The following PIP4K2C variants were observed in gnomAD, a reference collection of about 807,000 sequenced individuals.
The protein encoded by PIP4K2C is phosphatidylinositol-5-phosphate 4-kinase type 2 gamma.
In PIP4K2C, 21 loss-of-function variants were observed where a neutral mutation model predicts 45.0. The observed-to-expected ratio is 0.47, with a 90% CI of 0.33 to 0.67. PIP4K2C has a LOEUF of 0.67. PIP4K2C is among the 30% of genes least tolerant of loss of function. The pLI is 0.02. For synonymous variants in PIP4K2C, 201 were observed against 204.8 expected (o/e 0.98, Z 0.16); for missense variants, 456 against 542.8 (o/e 0.84, Z 1.59).
intron 6 of PIP4K2C, among the ~76,000 whole-genome samples, chr12:57,599,812 T>G (rs1054156722): frequency 6.6e-6 from 1 of 152,138 alleles, no homozygotes; most frequent in African/African-American, 2.4e-5. Context: ...ATCCCAGCAC[T>G]TTAGAAGGCC....
Position 57,591,397 on chromosome 12 carries a change from G to A in PIP4K2C, c.108G>A (p.Gln36=), listed in dbSNP as rs1882947749. The part of the protein sequence containing the change: ...SKTKKKHFVQ[Q]KVKVFRAADP... ...CCAAGAAGAAGCATTTCGTGCAGCA[G>A]AAGGTGAAGGTGTTCCGGGCGGCCG... Residue 36 remains glutamine (Q), a synonymous_variant, in exon 1 of 10, where the codon CAG becomes CAA. Transcript: ENST00000354947. 4 of 1,613,830 alleles carry A rather than the reference G, an allele frequency of 2.5e-6. No homozygotes were observed. Among genetic ancestry groups the A allele is most frequent in the Admixed American group, 3.3e-5 (2 of 59,988 alleles).
chr12:57,591,254 G>T lies in PIP4K2C; in HGVS notation c.-36G>T, dbSNP rs1162818732. 6.4e-7 allele frequency: 1 copy of T among 1,571,758 alleles called. No homozygotes were observed. The stretch of plus-strand genomic sequence containing the variant: ...GGGTCGGGCGCCTGGATAGCTGCCG[G>T]CTCCGGCTTCCACTTGGTCGGTTGC... On this transcript the variant is annotated 5_prime_UTR_variant, in exon 1 of 10. Coordinates refer to ENST00000354947, the MANE Select transcript of PIP4K2C (RefSeq NM_024779.5).
Position 57,601,595 on chromosome 12 carries a change from A to T in PIP4K2C, c.1255A>T (p.Ile419Phe). ...GCGATTCCTGGATTTTATTACCAAC[A>T]TCTTTGCCTAAGAGACTGCCTGGTT... ...AKRFLDFITN[I>F]FA The change falls in exon 10 of 10, where the codon ATC (isoleucine) becomes TTC (phenylalanine). Residue 419 changes from isoleucine (I) to phenylalanine (F), a missense_variant. Transcript: ENST00000354947. 1.2e-6 allele frequency: 2 copies of T among 1,609,234 alleles called. No homozygotes were observed. The highest frequency in any genetic ancestry group is 1.7e-6 in the Non-Finnish European group (2 of 1,175,660).
rs1883470011 is a variant in PIP4K2C at position 57,602,183 on chromosome 12, G to T, written c.*577G>T. ...ATATGGCCATTCCTACACAGGTGGG[G>T]TAGAGAGTGGGTCAGCAGCCTGGCA... On this transcript the variant is annotated 3_prime_UTR_variant, in exon 10 of 10. Coordinates refer to ENST00000354947, the MANE Select transcript of PIP4K2C (RefSeq NM_024779.5). 1 of 156,096 alleles carries T rather than the reference G, an allele frequency of 6.4e-6. No individual in the cohort carries two copies. The highest frequency in any genetic ancestry group is 2.4e-5 in the African/African-American group (1 of 41,472). The allele number at this position is 156,096 out of a possible 1,614,324, so 9.7% of individuals were successfully genotyped here.
intron 4 of PIP4K2C, chr12:57,597,833 C>T (rs1277728975): frequency 1.3e-5 from 2 of 152,092 alleles, no homozygotes; most frequent in Non-Finnish European, 2.9e-5. Flanking sequence ...TAAGGAGAGA[C>T]TGGTCAATAG....
chr12:57,591,601 A>C, intron 1 of PIP4K2C, 138 bp downstream of exon 1: 1 of 929,116 alleles, frequency 1.1e-6, no homozygotes, highest in Non-Finnish European at 1.5e-6. Context: ...CTGCCCACCA[A>C]CCCCAGGTGT....
At position 57,595,209 on chromosome 12, in the gene PIP4K2C, A is replaced by G. The variant is rs1883137181; in HGVS notation, c.356A>G (p.Asp119Gly). The G allele has an allele frequency of 6.2e-7, 1 of 1,602,284 alleles. No homozygotes were observed. The highest frequency in any genetic ancestry group is 8.6e-7 in the Non-Finnish European group (1 of 1,169,362). ...RNLRDRFGID[D>G]QDYLVSLTRN... is the part of the protein sequence containing the mutation. ...CTCCGTGATCGATTTGGCATTGATG[A>G]CCAAGATTACTTGGTGAGAGTCCAT... The change falls in exon 3 of 10, where the codon GAC becomes GGC. Residue 119 changes from aspartate to glycine, a missense_variant. Asp to Gly is a moderately conservative substitution (Grantham distance 94). Transcript: ENST00000354947.
chr12:57,598,283 G>A lies in PIP4K2C; in HGVS notation c.514-782G>A, dbSNP rs1883275785. Among the ~76,000 whole-genome samples the A allele has an allele frequency of 3.3e-5, 5 of 152,094 alleles. 1 individual carries two copies. The South Asian group carries it at 1.0e-3, about 32-fold the overall frequency. ...CGCTTGTAATCCTAGCACTTTGGGAGGCCGAGGTGGGCAGATTGCCTGAGT... is the reference window on the plus strand; with the variant it reads ...CGCTTGTAATCCTAGCACTTTGGGAAGCCGAGGTGGGCAGATTGCCTGAGT... On this transcript the variant is annotated intron_variant, in intron 4 of 9. Coordinates refer to ENST00000354947, the MANE Select transcript of PIP4K2C (RefSeq NM_024779.5).
At chr12:57,597,767 A>C (rs1883254191) in intron 4 of PIP4K2C, among the ~76,000 whole-genome samples, 2 of 152,206 alleles carry the variant, frequency 1.3e-5, no homozygotes, top group South Asian at 4.1e-4. Context: ...ATTCGACGAC[A>C]GAGAGGAGGG....
In PIP4K2C at chr12:57,601,842, T is replaced by G; in HGVS notation, c.*236T>G. 2 of 550,368 alleles carry G rather than the reference T, an allele frequency of 3.6e-6. No homozygotes were observed. The highest frequency in any genetic ancestry group is 6.5e-6 in the Non-Finnish European group (2 of 306,490). 34.1% of individuals were successfully genotyped at this position (550,368 alleles called of 1,614,324 possible). On this transcript the variant is annotated 3_prime_UTR_variant, in exon 10 of 10. Coordinates refer to ENST00000354947, the MANE Select transcript of PIP4K2C (RefSeq NM_024779.5). ...CCTCTCTTCCTCCCCATGAGAAGTC[T>G]GCTTGTAGTATTAGAATGTTATTGT...
intron 1 of PIP4K2C, among the ~76,000 whole-genome samples, chr12:57,591,970 G>A (rs532880405): frequency 6.6e-6 from 1 of 152,236 alleles, no homozygotes; most frequent in South Asian, 2.1e-4. Context: ...AGGTTTCCTG[G>A]GCTTTCTAAT....
chr12:57,594,599 C>A (rs796380186), intron 2 of PIP4K2C, among the ~76,000 whole-genome samples: 1 of 152,132 alleles, frequency 6.6e-6, no homozygotes, highest in Non-Finnish European at 1.5e-5. Flanking sequence ...ACTTACCAAC[C>A]ATGTTACTTA....
At position 57,601,096 on chromosome 12, in the gene PIP4K2C, A is replaced by G; in HGVS notation, c.1081+18A>G. 9 of 1,610,404 alleles carry G rather than the reference A, an allele frequency of 5.6e-6. No individual in the cohort carries two copies. Among genetic ancestry groups the G allele is most frequent in the Non-Finnish European group, 7.6e-6 (9 of 1,177,864 alleles). The stretch of plus-strand genomic sequence containing the variant: ...TGCTGAAGGTGAGAGAACCGGGACA[A>G]TTTAAGGGTGGAGAGGGGATTTTTC... On this transcript the variant is annotated intron_variant, in intron 8 of 9. Coordinates refer to ENST00000354947, the MANE Select transcript of PIP4K2C (RefSeq NM_024779.5).
intron 5 of PIP4K2C, 29 bp downstream of exon 5, chr12:57,599,240 G>A: frequency 1.2e-6 from 2 of 1,612,492 alleles, no homozygotes; most frequent in Admixed American, 3.3e-5. Flanking sequence ...GGACTTAGAG[G>A]GAGGCTCCTG....
At position 57,601,051 on chromosome 12, in the gene PIP4K2C, G is replaced by A. The variant is rs1883414037; in HGVS notation, c.1054G>A (p.Asp352Asn). 1.2e-6 allele frequency: 2 copies of A among 1,613,656 alleles called. No homozygotes were observed. Among genetic ancestry groups the A allele is most frequent in the Non-Finnish European group, 1.7e-6 (2 of 1,180,032 alleles). Residue 352 changes from aspartate (D) to asparagine (N), a missense_variant, in exon 8 of 10, where the codon GAT (aspartate) becomes AAT (asparagine). Physicochemically the swap from Asp to Asn is conservative, Grantham distance 23 (BLOSUM62 1). Around this residue, in one of 2 missense-constraint regions of PIP4K2C, gnomAD observed 421 missense variants for 473.1 expected, o/e 0.89. Transcript: ENST00000354947. Reference sequence around the variant, plus strand: ...CCCAGGAGAGTTTGAGTCCTTCATTGATGTCTATGCCATCCGGAGTGCTGA... The same window carrying A: ...CCCAGGAGAGTTTGAGTCCTTCATTAATGTCTATGCCATCCGGAGTGCTGA... ...LGPGEFESFI[D>N]VYAIRSAEGA...
intron 1 of PIP4K2C, among the ~76,000 whole-genome samples, chr12:57,592,926 G>A (rs1302804049): frequency 6.6e-6 from 1 of 150,938 alleles, no homozygotes; most frequent in Non-Finnish European, 1.5e-5. Flanking sequence ...AATCTGGAGG[G>A]ATATGTTCTG....
chr12:57,600,507 T>C (rs902484671), intron 7 of PIP4K2C, 70 bp downstream of exon 7: 3 of 1,084,030 alleles, frequency 2.8e-6, no homozygotes, highest in Non-Finnish European at 4.2e-6. Context: ...TCTCTTTCAT[T>C]CACGGTATGA....
rs1883169878 is a variant in PIP4K2C at position 57,595,894 on chromosome 12, C to T, written c.376C>T (p.Leu126Phe). The change falls in exon 4 of 10, where the codon CTT (leucine) becomes TTT (phenylalanine). Residue 126 changes from leucine (L) to phenylalanine (F), a missense_variant. Transcript: ENST00000354947. ...GCCTATTCTGTGTCCCCAGGTGTCC[C>T]TTACCCGAAACCCCCCCAGCGAAAG... is the stretch of plus-strand genomic sequence containing the variant. ...GIDDQDYLVS[L>F]TRNPPSESEG... 1 of 1,613,944 alleles carries T rather than the reference C, an allele frequency of 6.2e-7. No individual in the cohort carries two copies. Among genetic ancestry groups the T allele is most frequent in the Admixed American group, 1.7e-5 (1 of 60,006 alleles).
chr12:57,601,121 C>T, intron 8 of PIP4K2C, 43 bp downstream of exon 8: 1 of 1,606,162 alleles, frequency 6.2e-7, no homozygotes, highest in South Asian at 1.1e-5. Flanking sequence ...GGGGATTTTT[C>T]CTGGAGGACA....
Sources: gnomAD v4.1 joint callset for allele counts (sites outside exome capture counted in the v4.1 genomes callset) on GRCh38, gnomAD v4.1.1 for gene constraint, gnomAD v4.1.1 regional missense constraint, MANE v1.5 for transcripts, NCBI Gene and HGNC (gene_info 2026-07-23, HGNC 2026-07-21) for gene names.